B4GALT6: variants seen among roughly 807,000 people sequenced by gnomAD.
B4GALT6 encodes the protein UDP-Gal:beta-GlcNAc beta-1,4-galactosyltransferase 6.
B4GALT6 carries 14 observed loss-of-function variants against 46.3 expected under a neutral mutation model. The observed-to-expected ratio is 0.30, with a 90% CI of 0.20 to 0.47. B4GALT6 has a LOEUF of 0.47. Ranked by LOEUF, B4GALT6 falls within the 20% of genes least tolerant of loss-of-function variation. The pLI is 0.99. For missense variants in B4GALT6, 386 were observed against 480.1 expected (o/e 0.80, Z 1.83); for synonymous variants, 168 against 162.0 (o/e 1.04, Z -0.28).
rs1352834181 is a variant in B4GALT6, at chr18:31,684,327, C to G, written c.100G>C (p.Val34Leu). The G allele has an allele frequency of 1.2e-6, 2 of 1,613,120 alleles. No individual in the cohort carries two copies. The highest frequency in any genetic ancestry group is 1.7e-6 in the Non-Finnish European group (2 of 1,179,744). ...CGGTGCTTACCGATGCCTGGGGCCACATAGATGAAGTACAGACAGGACGAA... is the reference window on the plus strand; with the variant it reads ...CGGTGCTTACCGATGCCTGGGGCCAGATAGATGAAGTACAGACAGGACGAA... ...LSSSCLYFIY[V>L]APGIANTYLF... The change falls in exon 1 of 9, where the codon GTG becomes CTG. Residue 34 changes from valine to leucine, a missense_variant. By Grantham distance (32) the Val-to-Leu change is conservative. This residue lies in a region of B4GALT6 where 63 missense variants were observed against 41.3 expected (regional missense o/e 1.53). Transcript: ENST00000306851.
the B4GALT6 span, among the ~76,000 whole-genome samples, chr18:31,716,230 T>A: frequency 3.3e-5 from 5 of 152,180 alleles, no homozygotes; most frequent in East Asian, 1.9e-4. Context: ...AGCCCACCAA[T>A]CAATTCTAAA....
At chr18:31,676,882 C>T (rs1453723387) in intron 1 of B4GALT6, among the ~76,000 whole-genome samples, 1 of 152,150 alleles carries the variant, frequency 6.6e-6, no homozygotes, top group Admixed American at 6.5e-5. Context: ...CTTAAATAAA[C>T]CTTAAGCACA....
intron 1 of B4GALT6, among the ~76,000 whole-genome samples, chr18:31,678,748 T>A (rs1373699024): frequency 6.6e-6 from 1 of 152,226 alleles, no homozygotes; most frequent in Non-Finnish European, 1.5e-5. Flanking sequence ...CTCTTGGGGC[T>A]GCTCTGCTCA....
chr18:31,692,936 T>C, the B4GALT6 span, among the ~76,000 whole-genome samples: 3 of 152,218 alleles, frequency 2.0e-5, no homozygotes, highest in Admixed American at 2.0e-4. Context: ...GTAGTTTCTA[T>C]GGAGATGTAA....
intron 1 of B4GALT6, among the ~76,000 whole-genome samples, chr18:31,671,902 A>G (rs920423378): frequency 6.6e-6 from 1 of 152,088 alleles, no homozygotes; most frequent in Non-Finnish European, 1.5e-5. Context: ...ACAACATCAG[A>G]AAAAAATTTA....
intron 5 of B4GALT6, among the ~76,000 whole-genome samples, chr18:31,634,982 CCTGT>C (rs983050243): frequency 2.6e-5 from 4 of 152,190 alleles, no homozygotes; most frequent in Non-Finnish European, 5.9e-5. Flanking sequence ...GTGACTCATG[CCTGT>C]AGTCCCAGCA....
intron 3 of B4GALT6, among the ~76,000 whole-genome samples, chr18:31,648,925 T>C (rs2074025740): frequency 6.6e-6 from 1 of 152,240 alleles, no homozygotes. Context: ...ATTCTGGATA[T>C]GTTGGCTTTT....
At chr18:31,642,179 CATTTT>C (rs1198538608) in intron 4 of B4GALT6, among the ~76,000 whole-genome samples, 1 of 152,154 alleles carries the variant, frequency 6.6e-6, no homozygotes, top group Non-Finnish European at 1.5e-5. Flanking sequence ...CAAGAATCTG[CATTTT>C]TTTTCTTTTA....
chr18:31,687,627 TAGTG>T (rs999243294), upstream of B4GALT6, among the ~76,000 whole-genome samples: 65 of 152,340 alleles, frequency 4.3e-4, no homozygotes, highest in African/African-American at 1.2e-3. Context: ...AATCCTGTAA[TAGTG>T]AGACATAACT....
chr18:31,652,762 T>C (rs1357145501), intron 3 of B4GALT6, among the ~76,000 whole-genome samples: 1 of 152,178 alleles, frequency 6.6e-6, no homozygotes, highest in Non-Finnish European at 1.5e-5. Flanking sequence ...AATGGCACCC[T>C]GTAGGTTCTT....
the B4GALT6 span, among the ~76,000 whole-genome samples, chr18:31,706,574 T>C: frequency 6.6e-6 from 1 of 152,074 alleles, no homozygotes; most frequent in South Asian, 2.1e-4. Flanking sequence ...GAGGCTGTAG[T>C]GAGCTGAGAT....
chr18:31,658,316 G>GT, intron 2 of B4GALT6: 1 of 366,916 alleles, frequency 2.7e-6, no homozygotes, highest in Non-Finnish European at 5.0e-6. Context: ...CCTTATCCTT[G>GT]CACACAGACA....
chr18:31,684,209 G>A, intron 1 of B4GALT6, 103 bp downstream of exon 1: 1 of 1,543,012 alleles, frequency 6.5e-7, no homozygotes, highest in Non-Finnish European at 8.7e-7. Flanking sequence ...TTTTCTGCGG[G>A]CCCCTGTTTG....
In B4GALT6 at chr18:31,652,379, AAG is replaced by A. The variant is rs942017656; in HGVS notation, c.346+5595_346+5596del. Among the ~76,000 whole-genome samples, 13 of 46,144 alleles carry A rather than the reference AAG, an allele frequency of 2.8e-4. No individual in the cohort carries two copies. In the South Asian group the frequency reaches 4.8e-3, roughly 17 times the overall value. The allele number at this position is 46,144 out of a possible 152,430, so 30.3% of individuals were successfully genotyped here. ...TCCCTGCTGTCTGGAGGTGTGTGACAAGACACAGCAGTCTTGTCTCTCTGGGA... is the reference window on the plus strand; with the variant it reads ...TCCCTGCTGTCTGGAGGTGTGTGACAACACAGCAGTCTTGTCTCTCTGGGA... On this transcript the variant is annotated intron_variant, in intron 3 of 8. Coordinates refer to ENST00000306851, the MANE Select transcript of B4GALT6 (RefSeq NM_004775.5).
At chr18:31,668,884 G>A (rs1409252290) in intron 1 of B4GALT6, among the ~76,000 whole-genome samples, 3 of 151,428 alleles carry the variant, frequency 2.0e-5, no homozygotes, top group South Asian at 2.1e-4. Flanking sequence ...GGTGGCGCAC[G>A]CCTGTAACCC....
intron 8 of B4GALT6, 27 bp downstream of exon 8, chr18:31,626,256 G>T: frequency 7.7e-7 from 1 of 1,295,400 alleles, no homozygotes; most frequent in Non-Finnish European, 1.1e-6. Context: ...TGGAAACCTT[G>T]GTATCTGAAG....
intron 2 of B4GALT6, among the ~76,000 whole-genome samples, chr18:31,662,508 G>A (rs994966357): frequency 1.2e-4 from 18 of 152,270 alleles, no homozygotes; most frequent in Admixed American, 8.5e-4. Flanking sequence ...TGATAATACA[G>A]CCAATAATGA....
chr18:31,702,098 C>T, the B4GALT6 span, among the ~76,000 whole-genome samples: 2 of 152,030 alleles, frequency 1.3e-5, no homozygotes, highest in Non-Finnish European at 2.9e-5. Flanking sequence ...TTTGAATATG[C>T]AAATTAAAAT....
At chr18:31,716,937 T>TA in the B4GALT6 span, among the ~76,000 whole-genome samples, 1 of 151,916 alleles carries the variant, frequency 6.6e-6, no homozygotes, top group African/African-American at 2.4e-5. Context: ...CCACCTCCAC[T>TA]AAAATCACAA....
Sources: allele counts gnomAD v4.1 joint callset (sites outside exome capture counted in the v4.1 genomes callset), GRCh38; gene constraint gnomAD v4.1.1; regional missense constraint gnomAD v4.1.1; transcripts MANE v1.5; gene names NCBI Gene and HGNC (gene_info 2026-07-23, HGNC 2026-07-21).